MOB3B: variants seen among roughly 807,000 people sequenced by gnomAD.
The protein encoded by MOB3B is MOB kinase activator-like 2B.
In MOB3B, 7 loss-of-function variants were observed where a neutral mutation model predicts 18.7. The observed-to-expected ratio is 0.37, with a 90% CI of 0.21 to 0.70. The LOEUF (loss-of-function observed/expected upper bound fraction) is 0.70. Ranked by LOEUF, MOB3B falls within the 30% of genes least tolerant of loss-of-function variation. MOB3B has a pLI of 0.52. For synonymous variants in MOB3B, 111 were observed against 99.9 expected (o/e 1.11, Z -0.66); for missense variants, 253 against 281.3 (o/e 0.90, Z 0.72).
intron 1 of MOB3B, chr9:27,525,933 T>C (rs980435762): frequency 5.9e-5 from 9 of 152,224 alleles, no homozygotes; most frequent in African/African-American, 2.2e-4. Context: ...GCACGGCCCT[T>C]CATCTATATT....
intron 2 of MOB3B, among the ~76,000 whole-genome samples, chr9:27,363,210 C>A (rs1156314126): frequency 2.0e-5 from 3 of 152,192 alleles, no homozygotes; most frequent in African/African-American, 4.8e-5. Flanking sequence ...TGTGCAATGT[C>A]ATTTAATTCC....
chr9:27,508,352 CAG>C (rs1244795539), intron 1 of MOB3B, among the ~76,000 whole-genome samples: 2 of 152,008 alleles, frequency 1.3e-5, no homozygotes, highest in African/African-American at 4.8e-5. Flanking sequence ...AAGGGTTGTT[CAG>C]AGTCTTTTTC....
At chr9:27,387,911 A>G (rs983457651) in intron 2 of MOB3B, among the ~76,000 whole-genome samples, 40 of 152,172 alleles carry the variant, frequency 2.6e-4, no homozygotes, top group Admixed American at 2.6e-3. Context: ...GAGTCCTCTT[A>G]CAGCCATGTT....
At chr9:27,500,509 A>G (rs1819973734) in intron 1 of MOB3B, among the ~76,000 whole-genome samples, 1 of 152,222 alleles carries the variant, frequency 6.6e-6, no homozygotes, top group Admixed American at 6.5e-5. Flanking sequence ...AGGATTACCT[A>G]TTTAATAAAT....
chr9:27,446,691 T>C (rs1822696764), intron 2 of MOB3B, among the ~76,000 whole-genome samples: 1 of 152,210 alleles, frequency 6.6e-6, no homozygotes, highest in African/African-American at 2.4e-5. Flanking sequence ...CTGCTCTATG[T>C]CCTAGCATTG....
At chr9:27,394,366 T>A (rs1218451334) in intron 2 of MOB3B, 1 of 151,466 alleles carries the variant, frequency 6.6e-6, no homozygotes, top group Non-Finnish European at 1.5e-5. Context: ...TGTCAGGAAG[T>A]CTCTGTAAGC....
intron 2 of MOB3B, among the ~76,000 whole-genome samples, chr9:27,390,709 G>A (rs1821715975): frequency 6.6e-6 from 1 of 152,086 alleles, no homozygotes; most frequent in Admixed American, 6.5e-5. Flanking sequence ...CCCAGTTGAA[G>A]GAATCAGAGG....
chr9:27,507,710 A>G (rs1476306926), intron 1 of MOB3B, among the ~76,000 whole-genome samples: 2 of 152,218 alleles, frequency 1.3e-5, no homozygotes, highest in African/African-American at 4.8e-5. Flanking sequence ...CTAAGTCGAA[A>G]GAATCTCTAG....
intron 2 of MOB3B, among the ~76,000 whole-genome samples, chr9:27,379,250 G>T (rs1385663824): frequency 6.6e-6 from 1 of 152,140 alleles, no homozygotes; most frequent in Non-Finnish European, 1.5e-5. Flanking sequence ...GCTCTTGGGT[G>T]CATCTCAGGA....
At chr9:27,430,902 G>A (rs900421208) in intron 2 of MOB3B, among the ~76,000 whole-genome samples, 1 of 145,096 alleles carries the variant, frequency 6.9e-6, no homozygotes, top group Non-Finnish European at 1.5e-5. Flanking sequence ...TCCACAGTTT[G>A]TTAAGCTGCC....
intron 2 of MOB3B, among the ~76,000 whole-genome samples, chr9:27,394,624 T>A (rs997427805): frequency 2.5e-4 from 38 of 152,296 alleles, no homozygotes; most frequent in South Asian, 8.3e-4. Flanking sequence ...AAATTTAGAT[T>A]TAGTGTATAG....
intron 1 of MOB3B, among the ~76,000 whole-genome samples, chr9:27,527,114 A>G (rs1306453086): frequency 6.6e-6 from 1 of 152,182 alleles, no homozygotes; most frequent in South Asian, 2.1e-4. Context: ...TTTTGGGAAG[A>G]TTTTTAATTC....
At chr9:27,510,601 T>G (rs968121671) in intron 1 of MOB3B, among the ~76,000 whole-genome samples, 2 of 152,240 alleles carry the variant, frequency 1.3e-5, no homozygotes, top group African/African-American at 4.8e-5. Flanking sequence ...TAACATATGC[T>G]GCAAGTCTAA....
chr9:27,409,544 A>G (rs1207102959), intron 2 of MOB3B, among the ~76,000 whole-genome samples: 1 of 152,224 alleles, frequency 6.6e-6, no homozygotes, highest in Non-Finnish European at 1.5e-5. Context: ...AAAGTTAAAC[A>G]TAGAATTATC....
chr9:27,473,658 G>A (rs555230658), intron 1 of MOB3B, among the ~76,000 whole-genome samples: 16 of 152,156 alleles, frequency 1.1e-4, no homozygotes, highest in South Asian at 2.1e-4. Flanking sequence ...TGTTGGTGAT[G>A]GACCCCATCA....
intron 2 of MOB3B, among the ~76,000 whole-genome samples, chr9:27,360,113 G>T (rs1821251753): frequency 6.6e-6 from 1 of 152,196 alleles, no homozygotes; most frequent in Non-Finnish European, 1.5e-5. Context: ...AGGTATTAAT[G>T]TAAGATCCTC....
intron 2 of MOB3B, among the ~76,000 whole-genome samples, chr9:27,367,645 G>T (rs1415707371): frequency 6.6e-6 from 1 of 152,226 alleles, no homozygotes; most frequent in Admixed American, 6.5e-5. Context: ...CAGGCACACA[G>T]AAGGCATCTG....
At chr9:27,523,385 A>G (rs1408761848) in intron 1 of MOB3B, among the ~76,000 whole-genome samples, 1 of 152,080 alleles carries the variant, frequency 6.6e-6, no homozygotes, top group African/African-American at 2.4e-5. Context: ...AAGCCTTTAC[A>G]GAATCCAGAA....
intron 3 of MOB3B, among the ~76,000 whole-genome samples, chr9:27,336,274 G>A (rs752838052): frequency 2.6e-5 from 4 of 152,128 alleles, no homozygotes; most frequent in Non-Finnish European, 5.9e-5. Context: ...TACTCTGCTG[G>A]AGGGAGGAGC....
Sources: allele counts gnomAD v4.1 joint callset (sites outside exome capture counted in the v4.1 genomes callset), GRCh38; gene constraint gnomAD v4.1.1; transcripts MANE v1.5; gene names NCBI Gene and HGNC (gene_info 2026-07-23, HGNC 2026-07-21).